The following ZSCAN2 variants were observed in gnomAD, a reference collection of about 807,000 sequenced individuals.
ZSCAN2 encodes the protein zinc finger and SCAN domain-containing protein 2.
Under a neutral mutation model 47.8 loss-of-function variants are expected in ZSCAN2, and 26 were observed. That is an observed-to-expected ratio of 0.54 (90% CI 0.40 to 0.75). The LOEUF (loss-of-function observed/expected upper bound fraction) is 0.75, where lower values mean the gene tolerates loss of function less well. Among genes scored for constraint, ZSCAN2 ranks in the 30% least tolerant of loss-of-function variants. ZSCAN2 has a pLI of 0.00. For synonymous variants in ZSCAN2, 305 were observed against 288.7 expected (o/e 1.06, Z -0.57); for missense variants, 732 against 785.4 (o/e 0.93, Z 0.81).
In ZSCAN2 at chr15:84,604,151, G is replaced by A. The variant is rs140955730; in HGVS notation, c.224G>A (p.Gly75Asp). 3.1e-6 allele frequency: 5 copies of A among 1,613,616 alleles called. No individual in the cohort carries two copies. The African/African-American group carries it at 4.0e-5, about 13-fold the overall frequency. The change falls in exon 2 of 3, where the codon GGT becomes GAT. Residue 75 changes from glycine to aspartate, a missense_variant. Coordinates refer to ENST00000546148, the MANE Select transcript of ZSCAN2 (RefSeq NM_181877.4). Reference sequence around the variant, plus strand: ...GAGGAGGTGACCAGGGGACCACAGGGTGCACTCGGCCGCCTCCGAGAGCTC... The same window carrying A: ...GAGGAGGTGACCAGGGGACCACAGGATGCACTCGGCCGCCTCCGAGAGCTC... ...PQEEVTRGPQ[G>D]ALGRLRELCR... is the part of the protein sequence containing the mutation.
intron 2 of ZSCAN2, 59 bp from the exon 3 acceptor site, chr15:84,620,543 C>G: frequency 3.5e-6 from 5 of 1,423,794 alleles, no homozygotes; most frequent in African/African-American, 1.4e-5. Flanking sequence ...CCTTCGTTTT[C>G]TTTTGTCATC....
At chr15:84,603,368 CT>C (rs530895051) in intron 1 of ZSCAN2, among the ~76,000 whole-genome samples, 6,181 of 135,662 alleles carry the variant, frequency 0.046, 114 homozygotes, top group Non-Finnish European at 0.067. Flanking sequence ...GCTTGGGATA[CT>C]TTTTTTTTTT....
intron 2 of ZSCAN2, 77 bp downstream of exon 2, chr15:84,604,410 G>A: frequency 6.6e-7 from 1 of 1,515,860 alleles, no homozygotes; most frequent in East Asian, 2.3e-5. Flanking sequence ...CGGAGGAGGA[G>A]AAGGTGGTGT....
intron 1 of ZSCAN2, chr15:84,601,897 ACTG>A (rs770575496): frequency 6.7e-6 from 1 of 149,274 alleles, no homozygotes; most frequent in South Asian, 2.1e-4. Flanking sequence ...TTGCAATTCC[ACTG>A]CTTTCAATAT....
chr15:84,608,596 C>T (rs1596029234), intron 2 of ZSCAN2, among the ~76,000 whole-genome samples: 1 of 149,776 alleles, frequency 6.7e-6, no homozygotes. Context: ...CTGATTCAAA[C>T]TCCAATTTGA....
At chr15:84,618,821 C>G (rs1024815833) in intron 2 of ZSCAN2, among the ~76,000 whole-genome samples, 1 of 152,056 alleles carries the variant, frequency 6.6e-6, no homozygotes, top group Non-Finnish European at 1.5e-5. Flanking sequence ...ACCTTGGCCT[C>G]CCAAAGTGCT....
chr15:84,615,621 C>T (rs1014944942), intron 2 of ZSCAN2, among the ~76,000 whole-genome samples: 2 of 152,216 alleles, frequency 1.3e-5, no homozygotes, highest in Non-Finnish European at 2.9e-5. Context: ...TGAGCCAACG[C>T]GCCTGGCCCT....
chr15:84,609,163 T>C (rs1596029632), intron 2 of ZSCAN2, among the ~76,000 whole-genome samples: 1 of 151,070 alleles, frequency 6.6e-6, no homozygotes, highest in Non-Finnish European at 1.5e-5. Context: ...TACATTCATT[T>C]GTCTCAGCCA....
In ZSCAN2 at chr15:84,622,785, C is replaced by T; in HGVS notation, c.*745C>T. The T allele has an allele frequency of 2.9e-6, 2 of 684,234 alleles. No homozygotes were observed. Among genetic ancestry groups the T allele is most frequent in the Admixed American group, 4.4e-5 (2 of 45,970 alleles). The allele number at this position is 684,234 out of a possible 1,614,324, so 42.4% of individuals were successfully genotyped here. ...TTTCAGTGCTTGCTTTTGTCTCTGC[C>T]TACTGTCCTGTGGTAGATCAGCTAC... On this transcript the variant is annotated 3_prime_UTR_variant, in exon 3 of 3. Transcript: ENST00000546148.
At chr15:84,616,737 T>TA (rs1567011407) in intron 2 of ZSCAN2, 1 of 982,696 alleles carries the variant, frequency 1.0e-6, no homozygotes, top group Non-Finnish European at 1.2e-6. Flanking sequence ...TTTTTGGTCA[T>TA]GTTAGTTTGC....
chr15:84,620,850 G>C lies in ZSCAN2; in HGVS notation c.655G>C (p.Glu219Gln). ...AGGCCTGCAGGGCACCTACCTAGGG[G>C]AGAAGCCCTACGAATGTCCCCAGTG... is the stretch of plus-strand genomic sequence containing the variant. Reference protein sequence around the residue: ...LIGLQGTYLGEKPYECPQCGK... With the variant: ...LIGLQGTYLGQKPYECPQCGK... The change falls in exon 3 of 3, where the codon GAG becomes CAG. Residue 219 changes from glutamate to glutamine, a missense_variant. Physicochemically the swap from Glu to Gln is conservative, Grantham distance 29. Transcript: ENST00000546148. 1 of 1,614,224 alleles carries C rather than the reference G, an allele frequency of 6.2e-7. No homozygotes were observed. Among genetic ancestry groups the C allele is most frequent in the South Asian group, 1.1e-5 (1 of 91,088 alleles).
In ZSCAN2 at chr15:84,621,516, A is replaced by C; in HGVS notation, c.1321A>C (p.Met441Leu). 6.2e-7 allele frequency: 1 copy of C among 1,614,040 alleles called. No homozygotes were observed. Among genetic ancestry groups the C allele is most frequent in the Non-Finnish European group, 8.5e-7 (1 of 1,179,980 alleles). Residue 441 changes from methionine to leucine, a missense_variant, in exon 3 of 3, where the codon ATG (methionine) becomes CTG (leucine). Around this residue, in one of 2 missense-constraint regions of ZSCAN2, gnomAD observed 412 missense variants for 498.0 expected, o/e 0.83. Transcript: ENST00000546148. The surrounding 1 kb of genome is among the most constrained non-coding windows in gnomAD (Gnocchi z 5.7). The stretch of plus-strand genomic sequence containing the variant: ...CCTGGCCACACACCGGAGAACCCAC[A>C]TGGTGGAGAAGCCCTATAAGTGTGG... ...SNLATHRRTH[M>L]VEKPYKCGVC...
At chr15:84,603,497 T>G (rs1442735243) in intron 1 of ZSCAN2, among the ~76,000 whole-genome samples, 1 of 151,900 alleles carries the variant, frequency 6.6e-6, no homozygotes, top group Non-Finnish European at 1.5e-5. Context: ...GCCTCCCAAG[T>G]AGCAGGAACT....
At chr15:84,617,397 C>G (rs1354672796) in intron 2 of ZSCAN2, among the ~76,000 whole-genome samples, 1 of 152,096 alleles carries the variant, frequency 6.6e-6, no homozygotes, top group Non-Finnish European at 1.5e-5. Flanking sequence ...GATCGCGCCA[C>G]TGCACTCCAG....
chr15:84,604,203 A>G lies in ZSCAN2; in HGVS notation c.276A>G (p.Val92=). Reference sequence around the variant, plus strand: ...GCCGGCGCTGGCTGAGACCAGAGGTACACACCAAGGAGCAGATGTTAACCA... The same window carrying G: ...GCCGGCGCTGGCTGAGACCAGAGGTGCACACCAAGGAGCAGATGTTAACCA... The part of the protein sequence containing the change: ...ELCRRWLRPE[V]HTKEQMLTML... The change falls in exon 2 of 3, where the codon GTA becomes GTG. Residue 92 remains valine (V), a synonymous_variant. Transcript: ENST00000546148. The G allele has an allele frequency of 1.2e-6, 2 of 1,613,854 alleles. No individual in the cohort carries two copies. The highest frequency in any genetic ancestry group is 1.7e-6 in the Non-Finnish European group (2 of 1,179,936).
At chr15:84,606,323 T>A (rs2141763728) in intron 2 of ZSCAN2, 1 of 533,456 alleles carries the variant, frequency 1.9e-6, no homozygotes, top group Admixed American at 3.2e-5. Flanking sequence ...GCTGGCATTG[T>A]CATTTCACAG....
At chr15:84,610,601 C>G (rs1048034381) in intron 2 of ZSCAN2, among the ~76,000 whole-genome samples, 3 of 151,646 alleles carry the variant, frequency 2.0e-5, no homozygotes, top group Non-Finnish European at 4.4e-5. Context: ...ATTCTCCTGC[C>G]TCAGCCTCCC....
At position 84,622,097 on chromosome 15, in the gene ZSCAN2, C is replaced by T; in HGVS notation, c.*57C>T. On this transcript the variant is annotated 3_prime_UTR_variant, in exon 3 of 3. Coordinates refer to ENST00000546148, the MANE Select transcript of ZSCAN2 (RefSeq NM_181877.4). ...TGGAGTGGGAGTTGCCACACTGCCCCAACAGTGATTCCCTTTCAAAGAGCT... is the reference window on the plus strand; with the variant it reads ...TGGAGTGGGAGTTGCCACACTGCCCTAACAGTGATTCCCTTTCAAAGAGCT... The T allele has an allele frequency of 2.1e-6, 3 of 1,399,144 alleles. No individual in the cohort carries two copies. The highest frequency in any genetic ancestry group is 2.9e-6 in the Non-Finnish European group (3 of 1,020,670). 86.7% of individuals were successfully genotyped at this position (1,399,144 alleles called of 1,614,324 possible). A position where few individuals can be genotyped will look rare whatever the true frequency, so the allele number is the denominator to read the frequency against.
intron 1 of ZSCAN2, among the ~76,000 whole-genome samples, chr15:84,602,406 A>C (rs966098189): frequency 6.6e-6 from 1 of 152,146 alleles, no homozygotes; most frequent in Admixed American, 6.5e-5. Flanking sequence ...TATTAAAAAC[A>C]TACAGCGTAA....
Sources: gnomAD v4.1 joint callset for allele counts (sites outside exome capture counted in the v4.1 genomes callset) on GRCh38, gnomAD v4.1.1 for gene constraint, gnomAD v4.1.1 regional missense constraint, Gnocchi (gnomAD v3.1) non-coding constraint, MANE v1.5 for transcripts, NCBI Gene and HGNC (gene_info 2026-07-23, HGNC 2026-07-21) for gene names.